Variants in SIDT1 observed in about 807,000 individuals in gnomAD.
The protein encoded by SIDT1 is SID1 transmembrane family, member 1.
Under a neutral mutation model 107.5 loss-of-function variants are expected in SIDT1, and 101 were observed. That is an observed-to-expected ratio of 0.94 (90% confidence interval 0.80 to 1.11). The LOEUF (loss-of-function observed/expected upper bound fraction) is 1.11. Ranked by LOEUF, SIDT1 falls within the 50% of genes least tolerant of loss-of-function variation. SIDT1 has a pLI of 0.00. For missense variants in SIDT1, 1,076 were observed against 1,058.2 expected (o/e 1.02, Z -0.23); for synonymous variants, 395 against 398.2 (o/e 0.99, Z 0.10).
intron 1 of SIDT1, among the ~76,000 whole-genome samples, chr3:113,551,010 C>T (rs142233045): frequency 0.028 from 4,297 of 152,140 alleles, 108 homozygotes; most frequent in East Asian, 0.096. Context: ...TGAGAACATG[C>T]GGTATTTGGT....
chr3:113,580,788 C>A, intron 5 of SIDT1, 79 bp downstream of exon 5: 1 of 905,484 alleles, frequency 1.1e-6, no homozygotes, highest in South Asian at 1.4e-5. Context: ...AGGGTGGAAG[C>A]ATGCCATCCT....
intron 9 of SIDT1, among the ~76,000 whole-genome samples, chr3:113,587,320 A>G (rs6799004): frequency 0.43 from 65,181 of 152,030 alleles, 14,360 homozygotes; most frequent in East Asian, 0.67. Flanking sequence ...TTGGTATTCT[A>G]TGTTCTTATT....
At chr3:113,588,746 A>G (rs1283783462) in intron 9 of SIDT1, 2 of 152,006 alleles carry the variant, frequency 1.3e-5, no homozygotes, top group Non-Finnish European at 2.9e-5. Flanking sequence ...AAACTGCCCA[A>G]TCCAGAATAC....
intron 4 of SIDT1, among the ~76,000 whole-genome samples, chr3:113,580,010 G>A (rs187292127): frequency 2.0e-5 from 3 of 152,132 alleles, no homozygotes; most frequent in South Asian, 2.1e-4. Flanking sequence ...CAGCCTGCCC[G>A]CAATTGTGAA....
chr3:113,588,314 T>C (rs1943886851), intron 9 of SIDT1, among the ~76,000 whole-genome samples: 1 of 152,194 alleles, frequency 6.6e-6, no homozygotes, highest in African/African-American at 2.4e-5. Flanking sequence ...GCATTCTAAA[T>C]AGAAGAATAG....
At chr3:113,615,641 A>T (rs3773684) in intron 19 of SIDT1, among the ~76,000 whole-genome samples, 48,884 of 152,088 alleles carry the variant, frequency 0.32, 8,021 homozygotes, top group Non-Finnish European at 0.36. Flanking sequence ...TTCAATTGTT[A>T]CTAACTTATA....
chr3:113,533,025 C>G lies in SIDT1; in HGVS notation c.4C>G (p.Arg2Gly). Residue 2 changes from arginine to glycine, a missense_variant, in exon 1 of 25, where the codon CGC becomes GGC. Coordinates refer to ENST00000264852, the MANE Select transcript of SIDT1 (RefSeq NM_017699.3). M[R>G]GCLRLALLCA... ...GAGCCCGGGCGCGGTGCCCACCATG[C>G]GCGGCTGCCTGCGGCTCGCGCTGCT... 5.1e-6 allele frequency: 7 copies of G among 1,369,384 alleles called. No homozygotes were observed. Among genetic ancestry groups the G allele is most frequent in the Non-Finnish European group, 6.6e-6 (7 of 1,064,518 alleles). 84.8% of individuals were successfully genotyped at this position (1,369,384 alleles called of 1,614,324 possible).
intron 9 of SIDT1, chr3:113,588,786 T>C (rs1943925664): frequency 6.6e-6 from 1 of 151,334 alleles, no homozygotes; most frequent in African/African-American, 2.4e-5. Flanking sequence ...TTGTATTCGT[T>C]ATCTATTACC....
chr3:113,618,481 A>G (rs1449148498), intron 20 of SIDT1, among the ~76,000 whole-genome samples: 1 of 152,212 alleles, frequency 6.6e-6, no homozygotes, highest in Non-Finnish European at 1.5e-5. Context: ...TCATAAGTTT[A>G]GTTTTGTAAG....
At chr3:113,574,339 A>G (rs1428266223) in intron 3 of SIDT1, among the ~76,000 whole-genome samples, 1 of 152,228 alleles carries the variant, frequency 6.6e-6, no homozygotes, top group Admixed American at 6.5e-5. Context: ...TTCATAGCAG[A>G]TGGCAGAAGG....
At chr3:113,580,331 G>T (rs1400086100) in intron 4 of SIDT1, among the ~76,000 whole-genome samples, 1 of 152,164 alleles carries the variant, frequency 6.6e-6, no homozygotes, top group Non-Finnish European at 1.5e-5. Flanking sequence ...GTATAGCAAA[G>T]TTTAGTTGAG....
intron 4 of SIDT1, among the ~76,000 whole-genome samples, chr3:113,580,040 C>T (rs780713930): frequency 1.3e-5 from 2 of 152,218 alleles, no homozygotes; most frequent in South Asian, 2.1e-4. Context: ...GGGGACTCCA[C>T]ATGGGGCTTG....
At chr3:113,599,812 A>C (rs913423065) in intron 10 of SIDT1, among the ~76,000 whole-genome samples, 1 of 152,220 alleles carries the variant, frequency 6.6e-6, no homozygotes, top group Non-Finnish European at 1.5e-5. Context: ...AGTATACAGT[A>C]GGAAGAATAT....
chr3:113,563,788 A>G (rs1048306301), intron 1 of SIDT1, among the ~76,000 whole-genome samples: 1 of 152,152 alleles, frequency 6.6e-6, no homozygotes, highest in African/African-American at 2.4e-5. Flanking sequence ...TTCAAACACT[A>G]TGTGGATGTT....
At chr3:113,587,628 T>C (rs1943839203) in intron 9 of SIDT1, among the ~76,000 whole-genome samples, 1 of 152,242 alleles carries the variant, frequency 6.6e-6, no homozygotes, top group Non-Finnish European at 1.5e-5. Context: ...CATTTGCCTT[T>C]CATGGCAGGC....
At chr3:113,617,279 G>A (rs114362566) in intron 20 of SIDT1, among the ~76,000 whole-genome samples, 166 of 152,286 alleles carry the variant, frequency 1.1e-3, no homozygotes, top group African/African-American at 3.9e-3. Flanking sequence ...TTTATAACTT[G>A]TGCTTATTGC....
intron 17 of SIDT1, among the ~76,000 whole-genome samples, chr3:113,609,704 C>T (rs893510190): frequency 3.9e-5 from 6 of 152,206 alleles, no homozygotes; most frequent in African/African-American, 1.4e-4. Context: ...TAACTCTGAG[C>T]ACCACAGAAC....
chr3:113,556,497 G>A (rs1196779703), intron 1 of SIDT1, among the ~76,000 whole-genome samples: 3 of 152,096 alleles, frequency 2.0e-5, no homozygotes, highest in African/African-American at 7.2e-5. Context: ...TCTTCGCTCA[G>A]CCAGCTGTAA....
chr3:113,557,264 T>G (rs894053496), intron 1 of SIDT1, among the ~76,000 whole-genome samples: 12 of 152,120 alleles, frequency 7.9e-5, no homozygotes, highest in African/African-American at 2.7e-4. Flanking sequence ...AAGGGAAAGG[T>G]AGAGTTTTGG....
Sources: allele counts gnomAD v4.1 joint callset (sites outside exome capture counted in the v4.1 genomes callset), GRCh38; gene constraint gnomAD v4.1.1; transcripts MANE v1.5; gene names NCBI Gene and HGNC (gene_info 2026-07-23, HGNC 2026-07-21).